Variants in SLC2A13 observed in about 807,000 individuals in gnomAD.
The protein encoded by SLC2A13 is solute carrier family 2 member 13, also known as proton myo-inositol cotransporter.
SLC2A13 carries 32 observed loss-of-function variants against 64.4 expected under a neutral mutation model. The observed-to-expected ratio is 0.50, with a 90% CI of 0.37 to 0.67. SLC2A13 has a LOEUF of 0.67. Among genes scored for constraint, SLC2A13 ranks in the 30% least tolerant of loss-of-function variants. The pLI is 0.00. For synonymous variants in SLC2A13, 338 were observed against 327.1 expected, an observed-to-expected ratio of 1.03 and a Z score of -0.36; for missense variants, 743 against 829.2, an observed-to-expected ratio of 0.90 and a Z score of 1.28.
At chr12:39,971,901 G>T (rs1258479897) in intron 3 of SLC2A13, among the ~76,000 whole-genome samples, 2 of 149,600 alleles carry the variant, frequency 1.3e-5, no homozygotes, top group Non-Finnish European at 3.0e-5. Flanking sequence ...CTTGAGCCCA[G>T]GAGGCGGAGG....
At chr12:40,058,353 C>T (rs1948366697) in intron 1 of SLC2A13, among the ~76,000 whole-genome samples, 1 of 151,900 alleles carries the variant, frequency 6.6e-6, no homozygotes, top group African/African-American at 2.4e-5. Context: ...ACATGCATAC[C>T]TTTTGCACTT....
chr12:40,072,507 G>C (rs1475264793), intron 1 of SLC2A13, among the ~76,000 whole-genome samples: 1 of 152,046 alleles, frequency 6.6e-6, no homozygotes, highest in Non-Finnish European at 1.5e-5. Flanking sequence ...AACTATAATA[G>C]TGATTCATCT....
intron 3 of SLC2A13, among the ~76,000 whole-genome samples, chr12:39,968,366 T>A (rs946998560): frequency 3.9e-5 from 6 of 152,032 alleles, no homozygotes; most frequent in Non-Finnish European, 7.4e-5. Flanking sequence ...TTACCTCCCA[T>A]CAGGTCCCTC....
chr12:39,838,812 C>G (rs1349840216), intron 6 of SLC2A13, among the ~76,000 whole-genome samples: 1 of 152,066 alleles, frequency 6.6e-6, no homozygotes, highest in African/African-American at 2.4e-5. Context: ...CTCTGTGAAG[C>G]TGGGTGTGAA....
At chr12:40,093,486 T>C (rs1022822968) in intron 1 of SLC2A13, among the ~76,000 whole-genome samples, 2 of 152,160 alleles carry the variant, frequency 1.3e-5, no homozygotes, top group East Asian at 1.9e-4. Flanking sequence ...GATTACACTC[T>C]AGTGGAGAGA....
intron 4 of SLC2A13, among the ~76,000 whole-genome samples, chr12:39,946,329 C>T (rs773612015): frequency 6.6e-6 from 1 of 152,176 alleles, no homozygotes; most frequent in Admixed American, 6.5e-5. Context: ...TATTTTTGTG[C>T]TGGTTGGCTT....
At chr12:39,999,583 T>A (rs1226051105) in intron 3 of SLC2A13, among the ~76,000 whole-genome samples, 1 of 152,214 alleles carries the variant, frequency 6.6e-6, no homozygotes, top group African/African-American at 2.4e-5. Flanking sequence ...GTCAGACCAG[T>A]TCTCTGCTCT....
intron 1 of SLC2A13, among the ~76,000 whole-genome samples, chr12:40,048,650 C>T (rs533268540): frequency 2.6e-5 from 4 of 152,130 alleles, no homozygotes; most frequent in African/African-American, 9.6e-5. Flanking sequence ...TAGTTAGATG[C>T]CAGTAGATTT....
intron 3 of SLC2A13, among the ~76,000 whole-genome samples, chr12:39,980,702 T>C (rs1946876271): frequency 6.6e-6 from 1 of 151,792 alleles, no homozygotes; most frequent in East Asian, 1.9e-4. Context: ...CAAAGAGACT[T>C]AGACTCCCAC....
intron 1 of SLC2A13, among the ~76,000 whole-genome samples, chr12:40,080,357 C>G (rs1398109178): frequency 6.6e-6 from 1 of 152,076 alleles, no homozygotes; most frequent in Non-Finnish European, 1.5e-5. Flanking sequence ...TCACACTCTG[C>G]CTTCAAAGTG....
intron 7 of SLC2A13, among the ~76,000 whole-genome samples, chr12:39,808,857 G>A (rs1942057749): frequency 1.3e-5 from 2 of 152,028 alleles, no homozygotes; most frequent in African/African-American, 4.8e-5. Flanking sequence ...CTTCCGGTCT[G>A]TGGCTTGGGC....
At position 40,105,608 on chromosome 12, in the gene SLC2A13, C is replaced by T. The variant is rs1939284604; in HGVS notation, c.201G>A (p.Ala67=). ...GGGGVGDLER[A]ARRQFQQDET... ...CGTCCTGCTGGAACTGCCGCCGCGCCGCGCGCTCCAGGTCCCCGACGCCGC... is the reference window on the plus strand; with the variant it reads ...CGTCCTGCTGGAACTGCCGCCGCGCTGCGCGCTCCAGGTCCCCGACGCCGC... Residue 67 remains alanine (A), a synonymous_variant, in exon 1 of 10, where the codon GCG becomes GCA. Transcript: ENST00000280871. This position sits in a 1 kb window ranked among gnomAD's most constrained non-coding sequence, Gnocchi z 4.2. The T allele has an allele frequency of 6.6e-7, 1 of 1,519,588 alleles. No individual in the cohort carries two copies. The highest frequency in any genetic ancestry group is 8.8e-7 in the Non-Finnish European group (1 of 1,136,006). The allele number at this position is 1,519,588 out of a possible 1,614,324, so 94.1% of individuals were successfully genotyped here.
At chr12:40,094,544 A>T (rs1938874568) in intron 1 of SLC2A13, among the ~76,000 whole-genome samples, 1 of 152,236 alleles carries the variant, frequency 6.6e-6, no homozygotes, top group Non-Finnish European at 1.5e-5. Context: ...TGGTAGGACA[A>T]GTAGGACTGA....
rs1361708522 is a variant in SLC2A13, at chr12:39,755,845, A to T, written c.*4181T>A. 6.6e-6 allele frequency: 1 copy of T among 152,084 alleles called. No individual in the cohort carries two copies. Among genetic ancestry groups the T allele is most frequent in the Non-Finnish European group, 1.5e-5 (1 of 67,870 alleles). The allele number at this position is 152,084 out of a possible 1,614,324, so 9.4% of individuals were successfully genotyped here. ...ATTATATTGTTTTAGCTCACTAGCA[A>T]ATTATACGGATAAAATACTTTCATG... On this transcript the variant is annotated 3_prime_UTR_variant, in exon 10 of 10. Coordinates refer to ENST00000280871, the MANE Select transcript of SLC2A13 (RefSeq NM_052885.4).
intron 3 of SLC2A13, among the ~76,000 whole-genome samples, chr12:40,004,865 A>G (rs1354733939): frequency 6.6e-6 from 1 of 152,224 alleles, no homozygotes; most frequent in East Asian, 1.9e-4. Context: ...AGAAAATCAT[A>G]AGAGAGAAAA....
At chr12:40,061,084 C>G (rs1291881152) in intron 1 of SLC2A13, among the ~76,000 whole-genome samples, 1 of 151,946 alleles carries the variant, frequency 6.6e-6, no homozygotes, top group Non-Finnish European at 1.5e-5. Context: ...ACTAAAAATA[C>G]ATGCAAATAC....
At chr12:39,930,686 T>C (rs1945811779) in intron 4 of SLC2A13, among the ~76,000 whole-genome samples, 1 of 152,170 alleles carries the variant, frequency 6.6e-6, no homozygotes, top group Non-Finnish European at 1.5e-5. Flanking sequence ...ATTTATAGTA[T>C]CTTGACTTTT....
At chr12:39,840,728 A>G (rs1332745823) in intron 6 of SLC2A13, among the ~76,000 whole-genome samples, 1 of 151,992 alleles carries the variant, frequency 6.6e-6, no homozygotes, top group Non-Finnish European at 1.5e-5. Context: ...TATTATTATC[A>G]TGCATTCCAT....
chr12:39,863,502 A>G (rs1943817821), intron 6 of SLC2A13, among the ~76,000 whole-genome samples: 1 of 152,204 alleles, frequency 6.6e-6, no homozygotes, highest in African/African-American at 2.4e-5. Flanking sequence ...TGATTCTCAA[A>G]TGACAGTAAT....
Sources: gnomAD v4.1 joint callset for allele counts (sites outside exome capture counted in the v4.1 genomes callset) on GRCh38, gnomAD v4.1.1 for gene constraint, Gnocchi (gnomAD v3.1) non-coding constraint, MANE v1.5 for transcripts, NCBI Gene and HGNC (gene_info 2026-07-23, HGNC 2026-07-21) for gene names.